DNAJC1: variants seen among roughly 807,000 people sequenced by gnomAD.
DNAJC1 encodes DnaJ heat shock protein family (Hsp40) member C1, also known as dnaJ homolog subfamily C member 1.
A neutral mutation model predicts 76.6 loss-of-function variants in DNAJC1; 58 were observed. The ratio of observed to expected loss-of-function variants is 0.76; its 90% CI spans 0.61 to 0.94. The LOEUF is 0.94. DNAJC1 is among the 40% of genes least tolerant of loss of function. DNAJC1 has a pLI of 0.00. For synonymous variants in DNAJC1, 258 were observed against 267.9 expected (o/e 0.96, Z 0.36); for missense variants, 689 against 677.3 (o/e 1.02, Z -0.19).
chr10:21,869,960 T>C (rs1400369301), intron 8 of DNAJC1, among the ~76,000 whole-genome samples: 1 of 152,048 alleles, frequency 6.6e-6, no homozygotes, highest in Non-Finnish European at 1.5e-5. Context: ...AATTCGTATT[T>C]TATAAGTCAA....
intron 1 of DNAJC1, among the ~76,000 whole-genome samples, chr10:21,949,106 A>G (rs1334310547): frequency 6.6e-6 from 1 of 152,236 alleles, no homozygotes; most frequent in Non-Finnish European, 1.5e-5. Context: ...AATGCAAAAC[A>G]AACAAACAAA....
intron 11 of DNAJC1, among the ~76,000 whole-genome samples, chr10:21,757,849 T>C (rs1044855829): frequency 6.6e-6 from 1 of 152,222 alleles, no homozygotes; most frequent in Admixed American, 6.5e-5. Flanking sequence ...GCCCTGCTCA[T>C]TGCTGGTTGA....
intron 1 of DNAJC1, among the ~76,000 whole-genome samples, chr10:21,992,236 G>A (rs1238587560): frequency 3.9e-5 from 6 of 152,258 alleles, no homozygotes; most frequent in Middle Eastern, 3.4e-3. Context: ...GCTTGAATCC[G>A]GGAGGCGGAG....
intron 1 of DNAJC1, 116 bp downstream of exon 1, chr10:22,003,097 C>A: frequency 7.5e-7 from 1 of 1,330,896 alleles, no homozygotes; most frequent in Non-Finnish European, 9.6e-7. Flanking sequence ...CTGAGGGCAG[C>A]CAGAGCCCGG....
chr10:21,829,624 T>C (rs1835323203), intron 8 of DNAJC1, among the ~76,000 whole-genome samples: 1 of 152,252 alleles, frequency 6.6e-6, no homozygotes. Context: ...AGTGCTGGGA[T>C]TACAGGCGTG....
chr10:21,771,579 AC>A (rs1267246319), intron 9 of DNAJC1, among the ~76,000 whole-genome samples: 1 of 151,666 alleles, frequency 6.6e-6, no homozygotes, highest in Non-Finnish European at 1.5e-5. Flanking sequence ...GCTGACTGCA[AC>A]CTCTGCCTCT....
At chr10:21,876,858 A>G (rs1252829231) in intron 8 of DNAJC1, among the ~76,000 whole-genome samples, 1 of 152,244 alleles carries the variant, frequency 6.6e-6, no homozygotes, top group Non-Finnish European at 1.5e-5. Context: ...CAAAACATTA[A>G]TCTTGATCAC....
intron 8 of DNAJC1, among the ~76,000 whole-genome samples, chr10:21,830,841 T>A (rs1258803575): frequency 6.6e-6 from 1 of 152,222 alleles, no homozygotes; most frequent in Non-Finnish European, 1.5e-5. Context: ...AAACATTTTT[T>A]AAAATGGTTT....
intron 8 of DNAJC1, among the ~76,000 whole-genome samples, chr10:21,834,488 C>T (rs1835416999): frequency 6.6e-6 from 1 of 152,164 alleles, no homozygotes; most frequent in Non-Finnish European, 1.5e-5. Flanking sequence ...ACAGTAGGTG[C>T]AGCGCACCGT....
At chr10:21,981,110 C>G (rs986499032) in intron 1 of DNAJC1, among the ~76,000 whole-genome samples, 6 of 152,084 alleles carry the variant, frequency 3.9e-5, no homozygotes, top group Admixed American at 3.3e-4. Flanking sequence ...TGCTGTTGGC[C>G]TAATTCAGCA....
intron 8 of DNAJC1, among the ~76,000 whole-genome samples, chr10:21,837,546 G>A (rs541769372): frequency 5.3e-5 from 8 of 151,446 alleles, no homozygotes; most frequent in African/African-American, 1.5e-4. Flanking sequence ...TGTGAGGTGC[G>A]CCTCTGCCTG....
At chr10:21,787,869 G>A (rs1425352298) in intron 9 of DNAJC1, among the ~76,000 whole-genome samples, 1 of 152,258 alleles carries the variant, frequency 6.6e-6, no homozygotes, top group Non-Finnish European at 1.5e-5. Context: ...CAGAGGAGTA[G>A]CCAATACTGT....
intron 7 of DNAJC1, among the ~76,000 whole-genome samples, chr10:21,891,108 T>C (rs1836453726): frequency 6.6e-6 from 1 of 152,102 alleles, no homozygotes; most frequent in South Asian, 2.1e-4. Context: ...GAGAATCGCT[T>C]GAACCCAGGA....
intron 9 of DNAJC1, among the ~76,000 whole-genome samples, chr10:21,783,571 C>A (rs1431056010): frequency 2.0e-5 from 3 of 152,014 alleles, no homozygotes; most frequent in African/African-American, 2.4e-5. Flanking sequence ...CATATGGAAC[C>A]AAAAAAGAGC....
Position 21,829,202 on chromosome 10 carries a change from TTTG to T in DNAJC1, c.979-23106_979-23104del, listed in dbSNP as rs750546505. On this transcript the variant is annotated intron_variant, in intron 8 of 11. Coordinates refer to ENST00000376980, the MANE Select transcript of DNAJC1 (RefSeq NM_022365.4). ...TGAGTCACCATGCCCAGCTGATTTT[TTTG>T]TTGTTGTTCGTTTTTGTTTTTTTTT... Among the ~76,000 whole-genome samples, 6 of 151,446 alleles carry T rather than the reference TTTG, an allele frequency of 4.0e-5. No homozygotes were observed. The East Asian group carries it at 9.7e-4, about 24-fold the overall frequency.
At chr10:21,793,773 C>A (rs1819123711) in intron 9 of DNAJC1, among the ~76,000 whole-genome samples, 1 of 151,836 alleles carries the variant, frequency 6.6e-6, no homozygotes, top group Admixed American at 6.6e-5. Context: ...CATAGTGAGG[C>A]CCTGTCTTTA....
intron 1 of DNAJC1, among the ~76,000 whole-genome samples, chr10:21,935,426 C>T (rs920145245): frequency 6.6e-6 from 1 of 151,938 alleles, no homozygotes; most frequent in African/African-American, 2.4e-5. Flanking sequence ...TAGCGATTAC[C>T]TGATCTGGGG....
chr10:21,775,404 TG>T (rs775226929), intron 9 of DNAJC1, among the ~76,000 whole-genome samples: 8 of 147,310 alleles, frequency 5.4e-5, no homozygotes, highest in Admixed American at 4.9e-4. Context: ...GCCATATCCA[TG>T]GCAGATGATG....
chr10:21,876,952 T>C (rs1384951636), intron 8 of DNAJC1, among the ~76,000 whole-genome samples: 1 of 152,206 alleles, frequency 6.6e-6, no homozygotes, highest in Non-Finnish European at 1.5e-5. Context: ...TAGAAGGATT[T>C]GAAAAATCTT....
Sources: allele counts gnomAD v4.1 joint callset (sites outside exome capture counted in the v4.1 genomes callset), GRCh38; gene constraint gnomAD v4.1.1; transcripts MANE v1.5; gene names NCBI Gene and HGNC (gene_info 2026-07-23, HGNC 2026-07-21).